CTNNBIP1: variants seen among roughly 807,000 people sequenced by gnomAD.
CTNNBIP1 encodes catenin beta interacting protein 1, also known as beta-catenin-interacting protein 1.
CTNNBIP1 carries 7 observed loss-of-function variants against 11.8 expected under a neutral mutation model. The ratio of observed to expected loss-of-function variants is 0.60; its 90% CI spans 0.34 to 1.12. The LOEUF (loss-of-function observed/expected upper bound fraction) is 1.12, where lower values mean the gene tolerates loss of function less well. Ranked by LOEUF, CTNNBIP1 falls within the 50% of genes most tolerant of loss-of-function variation. The probability of loss-of-function intolerance (pLI) is 0.03; values close to 1 mark genes in which losing one functional copy is unlikely to be tolerated. For missense variants in CTNNBIP1, 101 were observed against 113.4 expected (o/e 0.89, Z 0.50); for synonymous variants, 58 against 43.9 (o/e 1.32, Z -1.26).
At chr1:9,850,864 G>T in intron 5 of CTNNBIP1, 88 bp from the exon 6 acceptor site, 1 of 1,232,510 alleles carries the variant, frequency 8.1e-7, no homozygotes, top group Non-Finnish European at 1.2e-6. Context: ...CCAAGCTGGA[G>T]CCCCCGCCCA....
intron 5 of CTNNBIP1, among the ~76,000 whole-genome samples, chr1:9,859,310 C>A (rs1398466428): frequency 2.0e-5 from 3 of 152,204 alleles, no homozygotes; most frequent in Non-Finnish European, 4.4e-5. Flanking sequence ...CAGCTTTGCC[C>A]CTTTAGTGGA....
At chr1:9,900,534 G>C (rs974461314) in intron 1 of CTNNBIP1, among the ~76,000 whole-genome samples, 20 of 152,194 alleles carry the variant, frequency 1.3e-4, no homozygotes, top group South Asian at 2.1e-4. Context: ...CTCCTCTTTA[G>C]AGATTAGGAA....
At chr1:9,892,490 G>A (rs1639325926) in intron 1 of CTNNBIP1, among the ~76,000 whole-genome samples, 3 of 151,618 alleles carry the variant, frequency 2.0e-5, no homozygotes, top group Non-Finnish European at 4.4e-5. Context: ...TTACTTGGGA[G>A]GCTGAGGTGG....
intron 1 of CTNNBIP1, among the ~76,000 whole-genome samples, chr1:9,889,835 A>G (rs1639264796): frequency 6.6e-6 from 1 of 152,244 alleles, no homozygotes; most frequent in African/African-American, 2.4e-5. Context: ...AGGGAGTGAT[A>G]TATTTTTTTC....
At chr1:9,900,052 C>T (rs148838914) in intron 1 of CTNNBIP1, among the ~76,000 whole-genome samples, 86 of 148,816 alleles carry the variant, frequency 5.8e-4, no homozygotes, top group African/African-American at 1.9e-3. Flanking sequence ...CCAGCCTGGA[C>T]GACAAGACTC....
chr1:9,874,663 G>A (rs905282848), intron 3 of CTNNBIP1, among the ~76,000 whole-genome samples: 37 of 152,316 alleles, frequency 2.4e-4, no homozygotes, highest in African/African-American at 8.2e-4. Flanking sequence ...TGTCCTCCGG[G>A]AGACTAGCAC....
chr1:9,882,735 T>C (rs1282912184), intron 2 of CTNNBIP1, among the ~76,000 whole-genome samples: 3 of 150,348 alleles, frequency 2.0e-5, no homozygotes, highest in Non-Finnish European at 4.4e-5. Context: ...AGTGGGGCTG[T>C]GGCTGTGGCT....
intron 1 of CTNNBIP1, among the ~76,000 whole-genome samples, chr1:9,895,198 C>T (rs1381125272): frequency 3.4e-5 from 5 of 148,138 alleles, no homozygotes; most frequent in Admixed American, 6.7e-5. Context: ...TGAGCCACTG[C>T]ACCCGGCCTG....
Position 9,871,177 on chromosome 1 carries a change from G to T in CTNNBIP1, c.187+10C>A. ...GTGCCACTGCCCCAGCCCCTCTGCC[G>T]CCAACTCACCCTGGTCGATGGAGTG... is the stretch of plus-strand genomic sequence containing the variant. On this transcript the variant is annotated intron_variant, in intron 5 of 5. Coordinates refer to ENST00000377263, the MANE Select transcript of CTNNBIP1 (RefSeq NM_020248.3). This position sits in a 1 kb window ranked among gnomAD's most constrained non-coding sequence, Gnocchi z 5.2. 6.4e-7 allele frequency: 1 copy of T among 1,558,146 alleles called. No individual in the cohort carries two copies.
chr1:9,863,564 C>G (rs557013885), intron 5 of CTNNBIP1, among the ~76,000 whole-genome samples: 42 of 152,346 alleles, frequency 2.8e-4, no homozygotes, highest in African/African-American at 1.0e-3. Flanking sequence ...CAGCCTGGCC[C>G]TGGAAGGCGC....
intron 5 of CTNNBIP1, among the ~76,000 whole-genome samples, chr1:9,859,488 C>G (rs1638578845): frequency 6.6e-6 from 1 of 152,224 alleles, no homozygotes. Context: ...TAGGCCTGGC[C>G]TGGCTTACTC....
chr1:9,876,839 T>TATAC (rs1410622778), intron 3 of CTNNBIP1, among the ~76,000 whole-genome samples: 4 of 111,696 alleles, frequency 3.6e-5, no homozygotes, highest in African/African-American at 1.2e-4. Flanking sequence ...ACACTCCTGC[T>TATAC]ATACATACAC....
chr1:9,875,410 C>T (rs945363070), intron 3 of CTNNBIP1, among the ~76,000 whole-genome samples: 2 of 152,190 alleles, frequency 1.3e-5, no homozygotes, highest in Non-Finnish European at 2.9e-5. Context: ...TCCATGGGGC[C>T]GGCTTTACAG....
intron 5 of CTNNBIP1, among the ~76,000 whole-genome samples, chr1:9,865,287 C>T (rs1308309506): frequency 1.3e-5 from 2 of 149,914 alleles, no homozygotes; most frequent in East Asian, 2.0e-4. Flanking sequence ...AATTATCATG[C>T]GTAAAAAATG....
chr1:9,848,345 A>G lies in CTNNBIP1; in HGVS notation c.*2373T>C, dbSNP rs1184519345. On this transcript the variant is annotated 3_prime_UTR_variant, in exon 6 of 6. Coordinates refer to ENST00000377263, the MANE Select transcript of CTNNBIP1 (RefSeq NM_020248.3). This position sits in a 1 kb window ranked among gnomAD's most constrained non-coding sequence, Gnocchi z 4.3. ...ATATTTTTAGTTGAAATATGGAGCC[A>G]CAGCAACACTTTGACTTTTCCTCTT... 1 of 152,226 alleles carries G rather than the reference A, an allele frequency of 6.6e-6. No individual in the cohort carries two copies. Among genetic ancestry groups the G allele is most frequent in the African/African-American group, 2.4e-5 (1 of 41,450 alleles). The allele number at this position is 152,226 out of a possible 1,614,324, so 9.4% of individuals were successfully genotyped here. A position where few individuals can be genotyped will look rare whatever the true frequency, so the allele number is the denominator to read the frequency against.
intron 5 of CTNNBIP1, among the ~76,000 whole-genome samples, chr1:9,858,629 T>C (rs1638559160): frequency 6.6e-6 from 1 of 152,148 alleles, no homozygotes; most frequent in African/African-American, 2.4e-5. Flanking sequence ...ATACTTCAGG[T>C]GAATGAGGTC....
At chr1:9,876,371 CT>C (rs1204111824) in intron 3 of CTNNBIP1, among the ~76,000 whole-genome samples, 2 of 152,138 alleles carry the variant, frequency 1.3e-5, no homozygotes, top group African/African-American at 2.4e-5. Context: ...AATCCCAGCA[CT>C]TTAGGAGGCC....
At chr1:9,907,839 C>T (rs1473102223) in intron 1 of CTNNBIP1, among the ~76,000 whole-genome samples, 2 of 152,214 alleles carry the variant, frequency 1.3e-5, no homozygotes, top group Non-Finnish European at 2.9e-5. Flanking sequence ...TCATCTCTTG[C>T]CAGGCAGCTG....
chr1:9,871,277 G>C lies in CTNNBIP1; in HGVS notation c.97C>G (p.Leu33Val), dbSNP rs1209572072. 6.4e-7 allele frequency: 1 copy of C among 1,562,794 alleles called. No individual in the cohort carries two copies. The highest frequency in any genetic ancestry group is 8.7e-7 in the Non-Finnish European group (1 of 1,153,452). ...AGGAACTCCTCCTCGCTGGCTGTCA[G>C]CTGCAGGGTGAGAGAGCTGTGGTGA... ...LLMLRKMGSNLTASEEEFLRT... is the reference protein window; with the variant it reads ...LLMLRKMGSNVTASEEEFLRT... The change falls in exon 5 of 6, where the codon CTG (leucine) becomes GTG (valine). Residue 33 changes from leucine (L) to valine (V), a missense_variant and splice_region_variant. Coordinates refer to ENST00000377263, the MANE Select transcript of CTNNBIP1 (RefSeq NM_020248.3). This position sits in a 1 kb window ranked among gnomAD's most constrained non-coding sequence, Gnocchi z 5.2.
Sources: allele counts gnomAD v4.1 joint callset (sites outside exome capture counted in the v4.1 genomes callset), GRCh38; gene constraint gnomAD v4.1.1; non-coding constraint Gnocchi (gnomAD v3.1); transcripts MANE v1.5; gene names NCBI Gene and HGNC (gene_info 2026-07-23, HGNC 2026-07-21).